NPAS2: variants seen among roughly 807,000 people sequenced by gnomAD.
NPAS2 encodes the protein neuronal PAS domain-containing protein 2.
NPAS2 carries 23 observed loss-of-function variants against 107.5 expected under a neutral mutation model. The observed-to-expected ratio is 0.21, with a 90% CI of 0.15 to 0.30. NPAS2 has a LOEUF of 0.30. Among genes scored for constraint, NPAS2 ranks in the 10% least tolerant of loss-of-function variants. The pLI, the probability that NPAS2 is intolerant of heterozygous loss-of-function variation, is 1.00. For missense variants in NPAS2, 756 were observed against 1,043.3 expected (o/e 0.72, Z 3.79); for synonymous variants, 403 against 417.5 (o/e 0.97, Z 0.42).
intron 5 of NPAS2, among the ~76,000 whole-genome samples, chr2:100,942,176 C>A (rs1029846965): frequency 1.3e-5 from 2 of 152,058 alleles, no homozygotes; most frequent in African/African-American, 4.8e-5. Flanking sequence ...CATGCTGGCT[C>A]GCCAGGTACA....
rs143526860 is a variant in NPAS2, at chr2:100,825,624, C to T, written c.-23+5210C>T. Among the ~76,000 whole-genome samples, 17 of 152,326 alleles carry T rather than the reference C, an allele frequency of 1.1e-4. No individual in the cohort carries two copies. The East Asian group carries it at 3.3e-3, about 29-fold the overall frequency. On this transcript the variant is annotated intron_variant, in intron 1 of 20. Coordinates refer to ENST00000335681, the MANE Select transcript of NPAS2 (RefSeq NM_002518.4). ...CTCTGGAGGTTTATCAGATTGGCCACTCAACCCTGGTGAGGGTGGGGCTGC... is the reference window on the plus strand; with the variant it reads ...CTCTGGAGGTTTATCAGATTGGCCATTCAACCCTGGTGAGGGTGGGGCTGC...
At chr2:100,831,067 A>G (rs190646525) in intron 1 of NPAS2, among the ~76,000 whole-genome samples, 1 of 152,278 alleles carries the variant, frequency 6.6e-6, no homozygotes, top group East Asian at 1.9e-4. Flanking sequence ...TGGGAGGCTG[A>G]GGCAGGTGGA....
At chr2:100,830,167 C>T (rs1339745080) in intron 1 of NPAS2, among the ~76,000 whole-genome samples, 4 of 152,146 alleles carry the variant, frequency 2.6e-5, no homozygotes, top group East Asian at 1.9e-4. Context: ...CATCAGACTA[C>T]GTGCAATAAC....
chr2:100,830,838 C>T (rs1297247019), intron 1 of NPAS2, among the ~76,000 whole-genome samples: 2 of 152,192 alleles, frequency 1.3e-5, no homozygotes, highest in Admixed American at 6.5e-5. Flanking sequence ...CAGCATCATA[C>T]GTCCACATAG....
chr2:100,887,183 A>C (rs1427787138), intron 1 of NPAS2, among the ~76,000 whole-genome samples: 1 of 152,172 alleles, frequency 6.6e-6, no homozygotes, highest in African/African-American at 2.4e-5. Context: ...GGCCCTCCTG[A>C]GACAACCCCA....
At chr2:100,971,931 A>T (rs1261263912) in intron 12 of NPAS2, among the ~76,000 whole-genome samples, 12 of 150,740 alleles carry the variant, frequency 8.0e-5, no homozygotes, top group Admixed American at 1.3e-4. Flanking sequence ...TGGAAGATCC[A>T]TATGAATTTT....
rs771088903 is a variant in NPAS2, at chr2:100,964,975, G to A, written c.800+32G>A. On this transcript the variant is annotated intron_variant, in intron 9 of 20. Coordinates refer to ENST00000335681, the MANE Select transcript of NPAS2 (RefSeq NM_002518.4). ...GAAAAGAAAAACATATTTGGGTTGG[G>A]CCCTTCTCAAGTCTTGTTTGCGTGA... 16 of 1,456,226 alleles carry A rather than the reference G, an allele frequency of 1.1e-5. No homozygotes were observed. The East Asian group carries it at 3.4e-4, about 31-fold the overall frequency. 90.2% of individuals were successfully genotyped at this position (1,456,226 alleles called of 1,614,324 possible).
chr2:100,954,664 C>CAAAAAAAAAAA (rs1194534141), intron 7 of NPAS2, among the ~76,000 whole-genome samples: 117 of 80,982 alleles, frequency 1.4e-3, no homozygotes, highest in Non-Finnish European at 2.0e-3. Context: ...AACTGTGTCT[C>CAAAAAAAAAAA]AAAAAAAAAA....
intron 1 of NPAS2, among the ~76,000 whole-genome samples, chr2:100,841,310 C>T (rs932356886): frequency 4.6e-5 from 7 of 152,232 alleles, no homozygotes; most frequent in South Asian, 2.1e-4. Context: ...TGGTGGCAGG[C>T]GCCTATAATC....
intron 7 of NPAS2, among the ~76,000 whole-genome samples, chr2:100,953,318 G>C (rs1231006906): frequency 6.7e-6 from 1 of 149,858 alleles, no homozygotes; most frequent in Non-Finnish European, 1.5e-5. Flanking sequence ...AGGTTACAGT[G>C]AGTCGAGATC....
chr2:100,932,837 CAT>C (rs1386633153), intron 3 of NPAS2, 71 bp from the exon 4 acceptor site: 6 of 1,006,958 alleles, frequency 6.0e-6, no homozygotes, highest in South Asian at 2.6e-5. Context: ...ATAGAAGTAA[CAT>C]GTGCTTCATT....
intron 1 of NPAS2, among the ~76,000 whole-genome samples, chr2:100,834,845 C>T (rs981486681): frequency 1.3e-5 from 2 of 152,092 alleles, no homozygotes; most frequent in Non-Finnish European, 2.9e-5. Context: ...CAGGCATGCG[C>T]CACCATGCCC....
chr2:100,850,034 AAAAGCAAG>A (rs1678058656), intron 1 of NPAS2, among the ~76,000 whole-genome samples: 4 of 131,182 alleles, frequency 3.0e-5, no homozygotes, highest in African/African-American at 5.9e-5. Flanking sequence ...AAAAAAAAAA[AAAAGCAAG>A]AGAAAATAGA....
Position 100,873,307 on chromosome 2 carries a change from TACACACAC to T in NPAS2, c.-22-31398_-22-31391del, listed in dbSNP as rs368306404. On this transcript the variant is annotated intron_variant, in intron 1 of 20. Transcript: ENST00000335681. ...ATATATATATATATATATATATATA[TACACACAC>T]ACACACACACACACACACACACACA... Among the ~76,000 whole-genome samples, 289 of 41,840 alleles carry T rather than the reference TACACACAC, an allele frequency of 6.9e-3. 2 individuals carry two copies. Among genetic ancestry groups the T allele is most frequent in the African/African-American group, 0.015 (188 of 12,540 alleles). 27.4% of individuals were successfully genotyped at this position (41,840 alleles called of 152,430 possible). A position where few individuals can be genotyped will look rare whatever the true frequency, so the allele number is the denominator to read the frequency against.
intron 5 of NPAS2, among the ~76,000 whole-genome samples, chr2:100,939,850 C>A (rs940699244): frequency 1.3e-5 from 2 of 152,110 alleles, no homozygotes; most frequent in African/African-American, 4.8e-5. Context: ...CAATTTAGGA[C>A]CACTTTCATA....
chr2:100,870,397 C>T (rs1482429744), intron 1 of NPAS2, among the ~76,000 whole-genome samples: 1 of 151,760 alleles, frequency 6.6e-6, no homozygotes, highest in Non-Finnish European at 1.5e-5. Flanking sequence ...AGTTCTCACC[C>T]CACCCCTCAT....
chr2:100,941,180 A>T (rs1030443840), intron 5 of NPAS2, among the ~76,000 whole-genome samples: 1 of 152,268 alleles, frequency 6.6e-6, no homozygotes, highest in African/African-American at 2.4e-5. Flanking sequence ...AGATTTTCGT[A>T]CAGCAATTTC....
intron 1 of NPAS2, among the ~76,000 whole-genome samples, chr2:100,851,139 G>C (rs970820564): frequency 6.6e-6 from 1 of 151,984 alleles, no homozygotes; most frequent in Non-Finnish European, 1.5e-5. Context: ...TGGGAGTTGC[G>C]GGGGCTGGAG....
intron 1 of NPAS2, among the ~76,000 whole-genome samples, chr2:100,832,095 A>G (rs538686454): frequency 6.6e-6 from 1 of 152,210 alleles, no homozygotes; most frequent in South Asian, 2.1e-4. Flanking sequence ...CTCATGACCA[A>G]GCTGGGCTCT....
Sources: allele counts gnomAD v4.1 joint callset (sites outside exome capture counted in the v4.1 genomes callset), GRCh38; gene constraint gnomAD v4.1.1; transcripts MANE v1.5; gene names NCBI Gene and HGNC (gene_info 2026-07-23, HGNC 2026-07-21).